PAXIP1: variants seen among roughly 807,000 people sequenced by gnomAD.
PAXIP1 encodes PAX interacting protein 1, also known as PAX-interacting protein 1.
In PAXIP1, 19 loss-of-function variants were observed where a neutral mutation model predicts 140.6. The observed-to-expected ratio is 0.14, with a 90% CI of 0.09 to 0.20. The LOEUF is 0.20. Among genes scored for constraint, PAXIP1 ranks in the 10% least tolerant of loss-of-function variants. The pLI, the probability that PAXIP1 is intolerant of heterozygous loss-of-function variation, is 1.00. For missense variants in PAXIP1, 920 were observed against 1,208.6 expected (o/e 0.76, Z 3.54); for synonymous variants, 442 against 444.6 (o/e 0.99, Z 0.07).
At chr7:154,955,497 A>G in intron 15 of PAXIP1, 32 bp downstream of exon 15, 1 of 1,347,408 alleles carries the variant, frequency 7.4e-7, no homozygotes, top group Non-Finnish European at 1.1e-6. Context: ...GACACTGCTA[A>G]AAATCCTTGT....
chr7:155,001,155 A>G (rs918098470), intron 1 of PAXIP1: 1 of 152,214 alleles, frequency 6.6e-6, no homozygotes, highest in Admixed American at 6.5e-5. Context: ...TTTTCAGAAA[A>G]TATACTGTTT....
chr7:154,980,018 A>G (rs1281540156), intron 5 of PAXIP1, among the ~76,000 whole-genome samples: 2 of 152,198 alleles, frequency 1.3e-5, no homozygotes, highest in African/African-American at 4.8e-5. Context: ...GTGAGAGCCT[A>G]TTGTATTTGT....
chr7:154,949,109 A>C (rs939250354), intron 16 of PAXIP1: 1 of 152,188 alleles, frequency 6.6e-6, no homozygotes, highest in Non-Finnish European at 1.5e-5. Flanking sequence ...CATACAGCAT[A>C]ATAAGGCAGC....
chr7:154,997,278 G>A (rs993625495), intron 2 of PAXIP1, among the ~76,000 whole-genome samples: 30 of 152,016 alleles, frequency 2.0e-4, no homozygotes, highest in African/African-American at 7.0e-4. Context: ...GTCTCACTGT[G>A]TTACCCAGAC....
intron 6 of PAXIP1, among the ~76,000 whole-genome samples, 173 bp downstream of exon 6, chr7:154,975,523 T>TACACACACAC (rs35537788): frequency 2.7e-5 from 4 of 150,326 alleles, no homozygotes; most frequent in African/African-American, 9.8e-5. Flanking sequence ...TATATACACA[T>TACACACACAC]ACACACACAC....
At chr7:154,971,228 G>A (rs1441820709) in intron 6 of PAXIP1, among the ~76,000 whole-genome samples, 1 of 152,220 alleles carries the variant, frequency 6.6e-6, no homozygotes, top group Non-Finnish European at 1.5e-5. Flanking sequence ...CTACGGGCTT[G>A]AGTTAAGATG....
Position 154,968,407 on chromosome 7 carries a change from C to T in PAXIP1, c.1794G>A (p.Val598=). 6.5e-7 allele frequency: 1 copy of T among 1,544,250 alleles called. No homozygotes were observed. Residue 598 remains valine (V), a synonymous_variant, in exon 7 of 21, where the codon GTG becomes GTA. Transcript: ENST00000404141. ...AAAATAATCTCCATTACTAACTCTC[C>T]ACTGCTGGATCATGTCCAAAAAGCT... ...QHQLFGHDPA[V]EIPEEGFLLG...
rs140800672 is a variant in PAXIP1, at chr7:154,970,846, ATTTGAATT to A, written c.1075-1728_1075-1721del. Among the ~76,000 whole-genome samples the A allele has an allele frequency of 4.7e-3, 721 of 152,328 alleles. 7 individuals carry two copies. The highest frequency in any genetic ancestry group is 0.017 in the African/African-American group (697 of 41,572). ...ACTGTTCACTCTGTCCTTTGGTATCATTTGAATTTTTGAATTTTGTACACATATTACTT... is the reference window on the plus strand; with the variant it reads ...ACTGTTCACTCTGTCCTTTGGTATCATTTGAATTTTGTACACATATTACTT... On this transcript the variant is annotated intron_variant, in intron 6 of 20. Transcript: ENST00000404141.
rs947516576 is a variant in PAXIP1 at position 154,954,949 on chromosome 7, T to G, written c.2653-526A>C. On this transcript the variant is annotated intron_variant, in intron 15 of 20. Transcript: ENST00000404141. This position sits in a 1 kb window ranked among gnomAD's most constrained non-coding sequence, Gnocchi z 5.1. ...AATACTAGCATTTATAATTGTTTCT[T>G]TTCCTTAAAAAGGAAACCAGGAGTA... 6.6e-6 allele frequency among the ~76,000 whole-genome samples: 1 copy of G among 152,244 alleles called. No homozygotes were observed. Among genetic ancestry groups the G allele is most frequent in the Non-Finnish European group, 1.5e-5 (1 of 68,046 alleles).
At chr7:154,987,006 C>T (rs868634997) in intron 4 of PAXIP1, among the ~76,000 whole-genome samples, 11 of 152,206 alleles carry the variant, frequency 7.2e-5, no homozygotes, top group Middle Eastern at 3.2e-3. Flanking sequence ...AGTGGGTGAG[C>T]AGAGCCCCTT....
rs1452062600 is a variant in PAXIP1 at position 154,968,671 on chromosome 7, CTGGAGCTGGTGCTGCTGCAGCTGA to C, written c.1506_1529del (p.His502_Leu509del). The C allele has an allele frequency of 8.4e-6, 6 of 716,300 alleles. No homozygotes were observed. Among genetic ancestry groups the C allele is most frequent in the South Asian group, 7.4e-5 (5 of 67,416 alleles). The allele number at this position is 716,300 out of a possible 1,614,324, so 44.4% of individuals were successfully genotyped here. ...GCTGGAGCTGGGCAAGCTGCTGCTGCTGGAGCTGGTGCTGCTGCAGCTGATGGAACTGCTGCTGCAGGGCATGCT... is the reference window on the plus strand; with the variant it reads ...GCTGGAGCTGGGCAAGCTGCTGCTGCTGGAACTGCTGCTGCAGGGCATGCT... On this transcript the variant is annotated inframe_deletion, in exon 7 of 21. Coordinates refer to ENST00000404141, the MANE Select transcript of PAXIP1 (RefSeq NM_007349.4).
chr7:154,960,218 C>T (rs1182436125), intron 12 of PAXIP1, among the ~76,000 whole-genome samples: 1 of 152,174 alleles, frequency 6.6e-6, no homozygotes, highest in Admixed American at 6.6e-5. Flanking sequence ...GGCATTCACC[C>T]TCCCACCGTG....
At position 154,954,846 on chromosome 7, in the gene PAXIP1, T is replaced by G. The variant is rs756722150; in HGVS notation, c.2653-423A>C. On this transcript the variant is annotated intron_variant, in intron 15 of 20. Coordinates refer to ENST00000404141, the MANE Select transcript of PAXIP1 (RefSeq NM_007349.4). The surrounding 1 kb of genome is among the most constrained non-coding windows in gnomAD (Gnocchi z 5.1). ...GATAGCATAAAAACTGGCTAAGACTTGAGCATATAAAAAAGCGAGCTCCTA... is the reference window on the plus strand; with the variant it reads ...GATAGCATAAAAACTGGCTAAGACTGGAGCATATAAAAAAGCGAGCTCCTA... Among the ~76,000 whole-genome samples, 12 of 152,212 alleles carry G rather than the reference T, an allele frequency of 7.9e-5. No individual in the cohort carries two copies. Among genetic ancestry groups the G allele is most frequent in the Non-Finnish European group, 1.6e-4 (11 of 68,042 alleles).
intron 4 of PAXIP1, chr7:154,985,938 G>C: frequency 8.8e-7 from 1 of 1,132,368 alleles, no homozygotes; most frequent in Non-Finnish European, 1.2e-6. Flanking sequence ...GAATGGAAAG[G>C]ACTTTTTAGT....
At chr7:154,975,575 C>T (rs1435539532) in intron 6 of PAXIP1, 121 bp downstream of exon 6, 3 of 657,584 alleles carry the variant, frequency 4.6e-6, no homozygotes, top group Admixed American at 2.8e-5. Context: ...GGTTCTCACA[C>T]AAATACTGCT....
intron 3 of PAXIP1, among the ~76,000 whole-genome samples, 169 bp from the exon 4 acceptor site, chr7:154,991,238 G>A (rs1015248438): frequency 6.6e-6 from 1 of 152,170 alleles, no homozygotes; most frequent in Non-Finnish European, 1.5e-5. Context: ...GTAGTGGGTG[G>A]CACAGAAAGA....
At chr7:154,944,844 A>G (rs1807859649) in intron 20 of PAXIP1, 1 of 152,214 alleles carries the variant, frequency 6.6e-6, no homozygotes, top group African/African-American at 2.4e-5. Flanking sequence ...ATTTTCTAAT[A>G]GATGGCGGTA....
At chr7:154,967,123 C>T (rs1809061381) in intron 8 of PAXIP1, among the ~76,000 whole-genome samples, 1 of 152,208 alleles carries the variant, frequency 6.6e-6, no homozygotes, top group Non-Finnish European at 1.5e-5. Context: ...CTCTGCTTAG[C>T]CGTGTGGCTG....
chr7:154,967,348 C>T (rs1417966817), intron 8 of PAXIP1: 1 of 152,832 alleles, frequency 6.5e-6, no homozygotes, highest in African/African-American at 2.4e-5. Flanking sequence ...AAAAGTATTT[C>T]TTTTCTTTAA....
Sources: allele counts gnomAD v4.1 joint callset (sites outside exome capture counted in the v4.1 genomes callset), GRCh38; gene constraint gnomAD v4.1.1; non-coding constraint Gnocchi (gnomAD v3.1); transcripts MANE v1.5; gene names NCBI Gene and HGNC (gene_info 2026-07-23, HGNC 2026-07-21).